ADARB2: variants seen among roughly 807,000 people sequenced by gnomAD.
ADARB2 encodes the protein inactive double-stranded RNA-specific editase B2.
Under a neutral mutation model 62.2 loss-of-function variants are expected in ADARB2, and 25 were observed. That is an observed-to-expected ratio of 0.40 (90% CI 0.29 to 0.56). ADARB2 has a LOEUF of 0.56. Ranked by LOEUF, ADARB2 falls within the 20% of genes least tolerant of loss-of-function variation. The pLI is 0.43. For synonymous variants in ADARB2, 572 were observed against 500.8 expected (o/e 1.14, Z -1.90); for missense variants, 1,071 against 1,077.4 (o/e 0.99, Z 0.08).
At position 1,552,221 on chromosome 10, in the gene ADARB2, C is replaced by T. The variant is rs559997401; in HGVS notation, c.101-173061G>A. Reference sequence around the variant, plus strand: ...GCTGGCCTGGGGCCAGGAGCCTTTCCTTTGCAGCTCATGGACTGCACTCCA... The same window carrying T: ...GCTGGCCTGGGGCCAGGAGCCTTTCTTTTGCAGCTCATGGACTGCACTCCA... On this transcript the variant is annotated intron_variant, in intron 1 of 9. Transcript: ENST00000381312. Among the ~76,000 whole-genome samples, 23 of 152,380 alleles carry T rather than the reference C, an allele frequency of 1.5e-4. No individual in the cohort carries two copies. The East Asian group carries it at 3.5e-3, about 23-fold the overall frequency.
intron 1 of ADARB2, among the ~76,000 whole-genome samples, chr10:1,730,628 T>G (rs1258631671): frequency 6.7e-6 from 1 of 150,062 alleles, no homozygotes; most frequent in Non-Finnish European, 1.5e-5. Flanking sequence ...AGCATTTATA[T>G]CATCTTTCTC....
chr10:1,676,785 A>T (rs77726605), intron 1 of ADARB2, among the ~76,000 whole-genome samples: 4 of 151,952 alleles, frequency 2.6e-5, no homozygotes, highest in South Asian at 4.1e-4. Flanking sequence ...ATTCATTTTA[A>T]TTTTTTTTAA....
intron 4 of ADARB2, among the ~76,000 whole-genome samples, chr10:1,265,255 G>T (rs189245992): frequency 3.3e-4 from 51 of 152,372 alleles, no homozygotes; most frequent in African/African-American, 1.2e-3. Flanking sequence ...ACTGATTAGT[G>T]TATGTAAAAA....
At chr10:1,308,653 C>A (rs1216405881) in intron 3 of ADARB2, among the ~76,000 whole-genome samples, 2 of 152,240 alleles carry the variant, frequency 1.3e-5, no homozygotes, top group Admixed American at 6.5e-5. Context: ...CACACCCTCA[C>A]TGGCATTTGG....
intron 3 of ADARB2, chr10:1,292,988 GAGGGAGAGGGAGGGAAGGA>G (rs1434761526): frequency 2.9e-5 from 2 of 68,614 alleles, no homozygotes; most frequent in East Asian, 9.4e-4. Flanking sequence ...AGGAGAGAGA[GAGGGAGAGGGAGGGAAGGA>G]GAGAGGGAGG....
At chr10:1,580,172 C>A (rs941360395) in intron 1 of ADARB2, among the ~76,000 whole-genome samples, 6 of 152,128 alleles carry the variant, frequency 3.9e-5, no homozygotes, top group Non-Finnish European at 4.4e-5. Context: ...ACAGGTAAAT[C>A]GCGTGTTGCC....
chr10:1,520,058 T>C (rs1161291701), intron 1 of ADARB2, among the ~76,000 whole-genome samples: 2 of 152,252 alleles, frequency 1.3e-5, no homozygotes, highest in African/African-American at 2.4e-5. Context: ...AAAGCTCGCA[T>C]TGGCATATTT....
chr10:1,659,448 A>T (rs1391433723), intron 1 of ADARB2, among the ~76,000 whole-genome samples: 1 of 152,130 alleles, frequency 6.6e-6, no homozygotes, highest in African/African-American at 2.4e-5. Context: ...ACTGACTAAA[A>T]CGTGCACAGA....
chr10:1,562,216 C>T (rs907426082), intron 1 of ADARB2, among the ~76,000 whole-genome samples: 2 of 151,328 alleles, frequency 1.3e-5, no homozygotes, highest in South Asian at 2.1e-4. Context: ...CATTCACCTC[C>T]GGGCCCCTAG....
At chr10:1,284,272 C>G (rs2131806675) in intron 3 of ADARB2, among the ~76,000 whole-genome samples, 1 of 152,214 alleles carries the variant, frequency 6.6e-6, no homozygotes. Flanking sequence ...GGGTCTGCAG[C>G]TGTGTGAGGG....
intron 7 of ADARB2, among the ~76,000 whole-genome samples, chr10:1,208,755 G>A (rs1837103420): frequency 6.6e-6 from 1 of 152,246 alleles, no homozygotes; most frequent in Non-Finnish European, 1.5e-5. Flanking sequence ...CCCCTGAGAT[G>A]TGAGGACACA....
chr10:1,587,553 C>A (rs931681417), intron 1 of ADARB2, among the ~76,000 whole-genome samples: 4 of 151,064 alleles, frequency 2.6e-5, no homozygotes, highest in African/African-American at 9.7e-5. Context: ...TTTTTTTTTT[C>A]ATAAGCACTT....
At chr10:1,519,961 T>A (rs1389332986) in intron 1 of ADARB2, among the ~76,000 whole-genome samples, 1 of 152,220 alleles carries the variant, frequency 6.6e-6, no homozygotes, top group African/African-American at 2.4e-5. Flanking sequence ...TCACACACCC[T>A]GGGCAAATCC....
intron 1 of ADARB2, among the ~76,000 whole-genome samples, chr10:1,705,576 T>G (rs1834878618): frequency 6.6e-6 from 1 of 152,240 alleles, no homozygotes; most frequent in Non-Finnish European, 1.5e-5. Context: ...ACAGACAGTT[T>G]TGTAGAGAAC....
In ADARB2 at chr10:1,629,121, G is replaced by A. The variant is rs184861447; in HGVS notation, c.100+107930C>T. On this transcript the variant is annotated intron_variant, in intron 1 of 9. Coordinates refer to ENST00000381312, the MANE Select transcript of ADARB2 (RefSeq NM_018702.4). The stretch of plus-strand genomic sequence containing the variant: ...TGTCCCCTAGCAACACAGAGTCCAC[G>A]AGTAACATGTTCCTTGGAAGTTTAG... Among the ~76,000 whole-genome samples, 494 of 152,308 alleles carry A rather than the reference G, an allele frequency of 3.2e-3. 2 individuals carry two copies. The highest frequency in any genetic ancestry group is 4.1e-3 in the Non-Finnish European group (281 of 68,030).
chr10:1,641,286 A>G (rs987641943), intron 1 of ADARB2, among the ~76,000 whole-genome samples: 7 of 152,254 alleles, frequency 4.6e-5, no homozygotes, highest in Non-Finnish European at 4.4e-5. Flanking sequence ...GATAAGCTCC[A>G]ATCAAAGCAA....
At chr10:1,536,141 G>A (rs1832329559) in intron 1 of ADARB2, among the ~76,000 whole-genome samples, 1 of 152,164 alleles carries the variant, frequency 6.6e-6, no homozygotes, top group Non-Finnish European at 1.5e-5. Context: ...AGGCGTTGAA[G>A]CCTCAACTCC....
intron 6 of ADARB2, among the ~76,000 whole-genome samples, chr10:1,231,691 A>G (rs1830805563): frequency 6.6e-6 from 1 of 152,162 alleles, no homozygotes; most frequent in Non-Finnish European, 1.5e-5. Flanking sequence ...TTAATTTCCA[A>G]AGGGTGTGGA....
intron 1 of ADARB2, among the ~76,000 whole-genome samples, chr10:1,581,123 C>G (rs1833091911): frequency 6.6e-6 from 1 of 152,170 alleles, no homozygotes. Context: ...TGTTTACGGC[C>G]CTCTATATCC....
Sources: gnomAD v4.1 joint callset for allele counts (sites outside exome capture counted in the v4.1 genomes callset) on GRCh38, gnomAD v4.1.1 for gene constraint, MANE v1.5 for transcripts, NCBI Gene and HGNC (gene_info 2026-07-23, HGNC 2026-07-21) for gene names.